RPH3A: variants seen among roughly 807,000 people sequenced by gnomAD.
RPH3A encodes the protein rabphilin-3A.
In RPH3A, 48 loss-of-function variants were observed where a neutral mutation model predicts 102.2. That is an observed-to-expected ratio of 0.47 (90% CI 0.37 to 0.60). The LOEUF (loss-of-function observed/expected upper bound fraction) is 0.60. Among genes scored for constraint, RPH3A ranks in the 20% least tolerant of loss-of-function variants. RPH3A has a pLI of 0.00. For synonymous variants in RPH3A, 310 were observed against 324.3 expected (o/e 0.96, Z 0.47); for missense variants, 781 against 910.1 (o/e 0.86, Z 1.83).
At chr12:112,756,844 T>A (rs111738797) in intron 1 of RPH3A, among the ~76,000 whole-genome samples, 3 of 152,328 alleles carry the variant, frequency 2.0e-5, no homozygotes, top group African/African-American at 7.2e-5. Context: ...ATAGGAACAC[T>A]CCTACCAGTA....
intron 1 of RPH3A, among the ~76,000 whole-genome samples, chr12:112,683,475 C>A (rs2040240675): frequency 6.6e-6 from 1 of 152,192 alleles, no homozygotes; most frequent in South Asian, 2.1e-4. Flanking sequence ...GACCCTGAGA[C>A]AAGGACTAAG....
intron 1 of RPH3A, among the ~76,000 whole-genome samples, chr12:112,737,110 G>A (rs1258321253): frequency 6.8e-6 from 1 of 146,958 alleles, no homozygotes; most frequent in East Asian, 2.1e-4. Flanking sequence ...AGCCGAGATT[G>A]TGCTACTGCA....
chr12:112,592,781 C>T (rs1010934564), intron 1 of RPH3A, among the ~76,000 whole-genome samples: 15 of 152,136 alleles, frequency 9.9e-5, no homozygotes, highest in African/African-American at 3.1e-4. Flanking sequence ...CAGGTGGTCC[C>T]GGCACTTCTC....
intron 1 of RPH3A, among the ~76,000 whole-genome samples, chr12:112,704,010 G>C (rs2040411388): frequency 6.6e-6 from 1 of 152,096 alleles, no homozygotes; most frequent in Non-Finnish European, 1.5e-5. Flanking sequence ...ACTGTTTGGA[G>C]TTGAAGGGAA....
At chr12:112,868,914 C>G in intron 8 of RPH3A, 1 of 244,520 alleles carries the variant, frequency 4.1e-6, no homozygotes, top group East Asian at 8.0e-5. Flanking sequence ...CACACTGGAG[C>G]CTGGGAGAAT....
chr12:112,736,148 G>T (rs1465322925), intron 1 of RPH3A, among the ~76,000 whole-genome samples: 1 of 152,140 alleles, frequency 6.6e-6, no homozygotes, highest in Admixed American at 6.5e-5. Flanking sequence ...GACACTTCTT[G>T]GTTGTGGGAG....
At chr12:112,753,501 TC>T (rs2040799712) in intron 1 of RPH3A, among the ~76,000 whole-genome samples, 1 of 152,166 alleles carries the variant, frequency 6.6e-6, no homozygotes. Context: ...GTGCTGATCC[TC>T]AGATGCCCTA....
At chr12:112,858,133 G>A (rs928373369) in intron 5 of RPH3A, among the ~76,000 whole-genome samples, 2 of 151,676 alleles carry the variant, frequency 1.3e-5, no homozygotes, top group Non-Finnish European at 2.9e-5. Context: ...TGGACGTAGT[G>A]GCACGCACCT....
At chr12:112,860,239 G>C (rs61942348) in intron 5 of RPH3A, among the ~76,000 whole-genome samples, 1 of 152,210 alleles carries the variant, frequency 6.6e-6, no homozygotes, top group Non-Finnish European at 1.5e-5. Context: ...GAAGCTCCCT[G>C]CTCATTCTCA....
intron 1 of RPH3A, among the ~76,000 whole-genome samples, chr12:112,781,411 T>C (rs1432269586): frequency 6.6e-6 from 1 of 151,880 alleles, no homozygotes; most frequent in Non-Finnish European, 1.5e-5. Flanking sequence ...TTTAGAACCA[T>C]CAGCTCTGGG....
chr12:112,814,860 C>T (rs1946688351), intron 2 of RPH3A, among the ~76,000 whole-genome samples: 1 of 152,184 alleles, frequency 6.6e-6, no homozygotes, highest in South Asian at 2.1e-4. Flanking sequence ...AATGCTGACA[C>T]TCAGGGCAGG....
intron 1 of RPH3A, among the ~76,000 whole-genome samples, chr12:112,730,359 G>A (rs370648655): frequency 5.9e-4 from 90 of 152,358 alleles, no homozygotes; most frequent in African/African-American, 2.1e-3. Flanking sequence ...CCAGCTGTTA[G>A]CCCCATCAGG....
At position 112,688,367 on chromosome 12, in the gene RPH3A, A is replaced by G. The variant is rs138557523; in HGVS notation, c.-139-103776A>G. On this transcript the variant is annotated intron_variant, in intron 1 of 21. Transcript: ENST00000543106. The stretch of plus-strand genomic sequence containing the variant: ...CTGTATTCTAGGAGAGAGACCTAGC[A>G]ATCACTGATTTAGAGGAACTCCCAG... Among the ~76,000 whole-genome samples, 15 of 152,344 alleles carry G rather than the reference A, an allele frequency of 9.8e-5. No individual in the cohort carries two copies. In the East Asian group the frequency reaches 2.9e-3, roughly 29 times the overall value.
intron 1 of RPH3A, among the ~76,000 whole-genome samples, chr12:112,660,271 CAG>C (rs1382104993): frequency 1.3e-5 from 2 of 152,146 alleles, no homozygotes; most frequent in African/African-American, 4.8e-5. Flanking sequence ...TTCAATGCCA[CAG>C]AGTTTATTCT....
At chr12:112,631,297 C>T (rs984360117) in intron 1 of RPH3A, among the ~76,000 whole-genome samples, 9 of 151,990 alleles carry the variant, frequency 5.9e-5, no homozygotes, top group African/African-American at 2.2e-4. Flanking sequence ...AGGCAGGGCT[C>T]GTCTTGCACA....
intron 19 of RPH3A, 170 bp downstream of exon 19, chr12:112,891,173 T>C: frequency 1.4e-6 from 1 of 723,128 alleles, no homozygotes; most frequent in Non-Finnish European, 2.2e-6. Context: ...AGAATGTGGG[T>C]CTGGAGTCTC....
chr12:112,669,745 T>C (rs905255726), intron 1 of RPH3A, among the ~76,000 whole-genome samples: 3 of 151,180 alleles, frequency 2.0e-5, no homozygotes, highest in Non-Finnish European at 4.4e-5. Flanking sequence ...CTACTTGTTT[T>C]CTTTGCTAAT....
chr12:112,750,401 C>T (rs2040778729), intron 1 of RPH3A, among the ~76,000 whole-genome samples: 1 of 152,158 alleles, frequency 6.6e-6, no homozygotes, highest in Non-Finnish European at 1.5e-5. Flanking sequence ...CTGAGGACAA[C>T]TGGAGCTTAA....
At chr12:112,867,408 A>G (rs1020695157) in intron 7 of RPH3A, among the ~76,000 whole-genome samples, 2 of 151,968 alleles carry the variant, frequency 1.3e-5, no homozygotes, top group Non-Finnish European at 2.9e-5. Flanking sequence ...ACTGCTGCAG[A>G]GTCCTGCCTT....
Sources: gnomAD v4.1 joint callset for allele counts (sites outside exome capture counted in the v4.1 genomes callset) on GRCh38, gnomAD v4.1.1 for gene constraint, MANE v1.5 for transcripts, NCBI Gene and HGNC (gene_info 2026-07-23, HGNC 2026-07-21) for gene names.